The following DLGAP2 variants were observed in gnomAD, a reference collection of about 807,000 sequenced individuals.
The protein encoded by DLGAP2 is disks large-associated protein 2.
In DLGAP2, 26 loss-of-function variants were observed where a neutral mutation model predicts 100.3. The ratio of observed to expected loss-of-function variants is 0.26; its 90% CI spans 0.19 to 0.36. The LOEUF (loss-of-function observed/expected upper bound fraction) is 0.36. DLGAP2 is among the 10% of genes least tolerant of loss of function. The probability of loss-of-function intolerance (pLI) is 1.00; values close to 1 mark genes in which losing one functional copy is unlikely to be tolerated. For synonymous variants in DLGAP2, 886 were observed against 630.1 expected (o/e 1.41, Z -6.08); for missense variants, 1,858 against 1,453.2 (o/e 1.28, Z -4.53).
At position 1,287,131 on chromosome 8, in the gene DLGAP2, CGTGTGT is replaced by C. The variant is rs33910191; in HGVS notation, c.106+28270_106+28275del. On this transcript the variant is annotated intron_variant, in intron 3 of 14. Coordinates refer to ENST00000637795, the MANE Select transcript of DLGAP2 (RefSeq NM_001346810.2). ...AAGAGGGGAACTAGTTTCGGTTCAGCGTGTGTGTGTGTGTGTGTGTGTGTGTGCGCG... is the reference window on the plus strand; with the variant it reads ...AAGAGGGGAACTAGTTTCGGTTCAGCGTGTGTGTGTGTGTGTGTGTGCGCG... Among the ~76,000 whole-genome samples, 85 of 136,978 alleles carry C rather than the reference CGTGTGT, an allele frequency of 6.2e-4. 2 individuals are homozygous for C. Among genetic ancestry groups the C allele is most frequent in the Admixed American group, 2.8e-3 (40 of 14,062 alleles). The allele number at this position is 136,978 out of a possible 152,430, so 89.9% of individuals were successfully genotyped here.
At chr8:1,341,795 G>T (rs1429099887) in intron 3 of DLGAP2, among the ~76,000 whole-genome samples, 1 of 152,168 alleles carries the variant, frequency 6.6e-6, no homozygotes. Context: ...CTGTCCGCAG[G>T]GTCCCTCCAT....
At chr8:761,885 T>C (rs911598392) in intron 1 of DLGAP2, among the ~76,000 whole-genome samples, 3 of 152,178 alleles carry the variant, frequency 2.0e-5, no homozygotes, top group African/African-American at 7.2e-5. Context: ...TGGGGAAACG[T>C]TGGCCTCAAG....
chr8:1,145,172 C>T (rs9692922), intron 2 of DLGAP2, among the ~76,000 whole-genome samples: 9 of 152,114 alleles, frequency 5.9e-5, no homozygotes, highest in Non-Finnish European at 1.0e-4. Flanking sequence ...AGAAACACAA[C>T]TTTCCCCCCA....
chr8:925,596 T>C lies in DLGAP2; in HGVS notation c.73+17630T>C, dbSNP rs1584894149. ...GGAGTAACCCTGTGGGCTTTGCAGGTGTATTAGGGCCCTCCAGAGAAGTGG... is the reference window on the plus strand; with the variant it reads ...GGAGTAACCCTGTGGGCTTTGCAGGCGTATTAGGGCCCTCCAGAGAAGTGG... On this transcript the variant is annotated intron_variant, in intron 2 of 14. Transcript: ENST00000637795. Among the ~76,000 whole-genome samples the C allele has an allele frequency of 2.0e-5, 3 of 152,142 alleles. No homozygotes were observed. The South Asian group carries it at 6.2e-4, about 32-fold the overall frequency.
rs1390638640 is a variant in DLGAP2, at chr8:1,548,865, C to T, written c.412C>T (p.Arg138Cys). 24 of 1,589,008 alleles carry T rather than the reference C, an allele frequency of 1.5e-5. No individual in the cohort carries two copies. Among genetic ancestry groups the T allele is most frequent in the Non-Finnish European group, 1.9e-5 (22 of 1,173,006 alleles). ...CGGGGGGCGCCACCGCTGCTCGCCG[C>T]GCAGCTCGGTGCACTCGGAGTGCGT... The part of the protein sequence containing the change: ...CPGGRHRCSP[R>C]SSVHSECVMM... The change falls in exon 5 of 15, where the codon CGC becomes TGC. Residue 138 changes from arginine (R) to cysteine (C), a missense_variant. Physicochemically the swap from Arg to Cys is radical, Grantham distance 180. Transcript: ENST00000637795.
chr8:825,126 C>T (rs368809957), intron 1 of DLGAP2, among the ~76,000 whole-genome samples: 2 of 152,166 alleles, frequency 1.3e-5, no homozygotes, highest in African/African-American at 4.8e-5. Flanking sequence ...GAGGGCTCTT[C>T]CTCTGCCCTC....
At chr8:1,280,404 C>T (rs562004208) in intron 3 of DLGAP2, among the ~76,000 whole-genome samples, 1 of 152,264 alleles carries the variant, frequency 6.6e-6, no homozygotes, top group East Asian at 1.9e-4. Context: ...TTATTTATCT[C>T]TATTTAATAA....
chr8:1,629,060 T>G (rs907711182), intron 7 of DLGAP2, among the ~76,000 whole-genome samples: 3 of 152,254 alleles, frequency 2.0e-5, no homozygotes, highest in African/African-American at 7.2e-5. Context: ...TGGCTGCAGA[T>G]CATGCTGTGA....
At chr8:1,217,961 G>A (rs1232947236) in intron 2 of DLGAP2, among the ~76,000 whole-genome samples, 1 of 151,960 alleles carries the variant, frequency 6.6e-6, no homozygotes, top group African/African-American at 2.4e-5. Flanking sequence ...TTTTTTGCTT[G>A]TTGATTTAAG....
intron 2 of DLGAP2, among the ~76,000 whole-genome samples, chr8:1,234,356 T>C (rs1798599370): frequency 6.6e-6 from 1 of 152,110 alleles, no homozygotes; most frequent in Non-Finnish European, 1.5e-5. Context: ...GTTCTAGGCA[T>C]CTCTCCTAAT....
chr8:1,233,712 A>T (rs988981699), intron 2 of DLGAP2, among the ~76,000 whole-genome samples: 3 of 152,194 alleles, frequency 2.0e-5, no homozygotes, highest in African/African-American at 7.2e-5. Context: ...AGCACATGTC[A>T]GTTGACTTTC....
intron 6 of DLGAP2, among the ~76,000 whole-genome samples, chr8:1,571,676 G>A (rs1802693718): frequency 7.1e-6 from 1 of 141,096 alleles, no homozygotes; most frequent in Admixed American, 7.1e-5. Context: ...AGGGTGAACT[G>A]TGGGGGCATC....
At chr8:1,577,159 G>T (rs895850857) in intron 6 of DLGAP2, among the ~76,000 whole-genome samples, 7 of 152,192 alleles carry the variant, frequency 4.6e-5, no homozygotes, top group Non-Finnish European at 8.8e-5. Context: ...CACAAAAAAT[G>T]TGAAATATTT....
chr8:1,210,445 G>C (rs1399497929), intron 2 of DLGAP2, among the ~76,000 whole-genome samples: 1 of 152,242 alleles, frequency 6.6e-6, no homozygotes, highest in Non-Finnish European at 1.5e-5. Context: ...GTTCATTCAA[G>C]AGCAGCAGGA....
intron 3 of DLGAP2, among the ~76,000 whole-genome samples, chr8:1,364,560 C>T (rs28456979): frequency 2.0e-5 from 3 of 151,860 alleles, no homozygotes; most frequent in African/African-American, 4.8e-5. Flanking sequence ...TGGCGGGAAG[C>T]GTCTCTCAAC....
chr8:1,343,295 C>G (rs1801461798), intron 3 of DLGAP2, among the ~76,000 whole-genome samples: 1 of 152,224 alleles, frequency 6.6e-6, no homozygotes, highest in Non-Finnish European at 1.5e-5. Context: ...CCAGGTGTCT[C>G]TCCCGTGGAG....
At chr8:1,388,072 T>G (rs11997070) in intron 3 of DLGAP2, among the ~76,000 whole-genome samples, 36,334 of 152,130 alleles carry the variant, frequency 0.24, 4,860 homozygotes, top group South Asian at 0.31. Context: ...TGTCAGCGTC[T>G]CACAGCGTCA....
At chr8:818,455 G>C (rs1041966195) in intron 1 of DLGAP2, among the ~76,000 whole-genome samples, 4 of 152,174 alleles carry the variant, frequency 2.6e-5, no homozygotes, top group African/African-American at 9.7e-5. Context: ...CATTGAGAAA[G>C]CACAGACTCA....
chr8:1,488,073 G>C (rs1052566220), intron 3 of DLGAP2, among the ~76,000 whole-genome samples: 4 of 152,178 alleles, frequency 2.6e-5, no homozygotes, highest in Non-Finnish European at 5.9e-5. Context: ...TTCCTCAGCA[G>C]TTTCAAGCTG....
Sources: allele counts gnomAD v4.1 joint callset (sites outside exome capture counted in the v4.1 genomes callset), GRCh38; gene constraint gnomAD v4.1.1; transcripts MANE v1.5; gene names NCBI Gene and HGNC (gene_info 2026-07-23, HGNC 2026-07-21).